TMOD4: variants seen among roughly 807,000 people sequenced by gnomAD.
TMOD4 encodes tropomodulin 4.
TMOD4 carries 34 observed loss-of-function variants against 45.4 expected under a neutral mutation model. That is an observed-to-expected ratio of 0.75 (90% CI 0.57 to 1.00). TMOD4 has a LOEUF of 1.00. TMOD4 is among the 50% of genes least tolerant of loss of function. The pLI is 0.00. For synonymous variants in TMOD4, 131 were observed against 153.9 expected, an observed-to-expected ratio of 0.85 and a Z score of 1.10; for missense variants, 399 against 437.5, an observed-to-expected ratio of 0.91 and a Z score of 0.78.
chr1:151,174,887 C>A lies in TMOD4; in HGVS notation c.-12G>T, dbSNP rs756174653. On this transcript the variant is annotated 5_prime_UTR_variant, in exon 2 of 10. Coordinates refer to ENST00000295314, the MANE Select transcript of TMOD4 (RefSeq NM_013353.3). Reference sequence around the variant, plus strand: ...TGATATGATGACATGGTGGCCCCCACCCCCTCCCCACTGTGTGGTACTCAC... The same window carrying A: ...TGATATGATGACATGGTGGCCCCCAACCCCTCCCCACTGTGTGGTACTCAC... 6.2e-7 allele frequency: 1 copy of A among 1,613,942 alleles called. No individual in the cohort carries two copies. Among genetic ancestry groups the A allele is most frequent in the East Asian group, 2.2e-5 (1 of 44,864 alleles).
Position 151,171,773 on chromosome 1 carries a change from G to T in TMOD4, c.488-10C>A, listed in dbSNP as rs1256898615. ...TCAGGCTGTACCACACCTGGTGAATGAGGGCAGGAAGGGAACCCCAACATG... is the reference window on the plus strand; with the variant it reads ...TCAGGCTGTACCACACCTGGTGAATTAGGGCAGGAAGGGAACCCCAACATG... On this transcript the variant is annotated splice_polypyrimidine_tract_variant and intron_variant, in intron 5 of 9. Coordinates refer to ENST00000295314, the MANE Select transcript of TMOD4 (RefSeq NM_013353.3). The T allele has an allele frequency of 6.2e-7, 1 of 1,613,354 alleles. No individual in the cohort carries two copies. The highest frequency in any genetic ancestry group is 8.5e-7 in the Non-Finnish European group (1 of 1,179,710).
Position 151,173,537 on chromosome 1 carries a change from A to C in TMOD4, c.359T>G (p.Leu120Arg), listed in dbSNP as rs1684017654. ...CATTTCAGCATCTGTGGCATGTGCC[A>C]GTGCCTCCTCCAGCTCAGGCTCCAG... ...ITLEPELEEA[L>R]AHATDAEMCD... Residue 120 changes from leucine to arginine, a missense_variant, in exon 4 of 10, where the codon CTG becomes CGG. Physicochemically the swap from Leu to Arg is moderately radical, Grantham distance 102. Transcript: ENST00000295314. The C allele has an allele frequency of 6.2e-7, 1 of 1,614,100 alleles. No individual in the cohort carries two copies. The highest frequency in any genetic ancestry group is 2.2e-5 in the East Asian group (1 of 44,862).
intron 4 of TMOD4, among the ~76,000 whole-genome samples, chr1:151,173,235 T>C (rs1353262839): frequency 1.3e-5 from 2 of 152,156 alleles, no homozygotes; most frequent in Non-Finnish European, 2.9e-5. Context: ...TCCCAAGTGC[T>C]GAGGTTACAG....
At position 151,170,928 on chromosome 1, in the gene TMOD4, C is replaced by T; in HGVS notation, c.862G>A (p.Asp288Asn). 5.0e-6 allele frequency: 8 copies of T among 1,614,052 alleles called. No individual in the cohort carries two copies. Among genetic ancestry groups the T allele is most frequent in the Non-Finnish European group, 6.8e-6 (8 of 1,179,998 alleles). ...ENATLTELRVDNQRQWPGDAV... is the reference protein window; with the variant it reads ...ENATLTELRVNNQRQWPGDAV... The stretch of plus-strand genomic sequence containing the variant: ...GGGAAGGGAATGCTGACCTGATTGT[C>T]TACACGGAGCTCAGTGAGTGTGGCA... Residue 288 changes from aspartate (D) to asparagine (N), a missense_variant, in exon 8 of 10, where the codon GAC becomes AAC. Coordinates refer to ENST00000295314, the MANE Select transcript of TMOD4 (RefSeq NM_013353.3).
intron 4 of TMOD4, 69 bp downstream of exon 4, chr1:151,173,430 A>T: frequency 8.6e-7 from 1 of 1,167,412 alleles, no homozygotes; most frequent in Non-Finnish European, 1.3e-6. Flanking sequence ...CTTCCTCACT[A>T]GTCCCATGTC....
At chr1:151,171,161 A>G in intron 7 of TMOD4, 98 bp from the exon 8 acceptor site, 1 of 1,353,266 alleles carries the variant, frequency 7.4e-7, no homozygotes, top group Non-Finnish European at 1.0e-6. Context: ...CTCTTTGAGA[A>G]GAGTCTTTCA....
intron 8 of TMOD4, 95 bp from the exon 9 acceptor site, chr1:151,170,758 T>G: frequency 1.9e-6 from 3 of 1,545,830 alleles, no homozygotes; most frequent in Non-Finnish European, 2.6e-6. Flanking sequence ...AGAAGCTTGT[T>G]TCTCCACAGT....
chr1:151,172,133 A>G (rs1176601765), intron 5 of TMOD4, 135 bp downstream of exon 5: 1 of 741,834 alleles, frequency 1.3e-6, no homozygotes, highest in Non-Finnish European at 2.2e-6. Flanking sequence ...CTCACCTGGC[A>G]CTCCACAGGT....
At chr1:151,173,349 T>C in intron 4 of TMOD4, 150 bp downstream of exon 4, 1 of 653,644 alleles carries the variant, frequency 1.5e-6, no homozygotes, top group Admixed American at 2.4e-5. Flanking sequence ...TGAATAAATA[T>C]ATAAACAAAC....
chr1:151,175,957 C>T lies in TMOD4; in HGVS notation c.-76G>A. 1 of 151,700 alleles carries T rather than the reference C, an allele frequency of 6.6e-6. No homozygotes were observed. The highest frequency in any genetic ancestry group is 2.5e-5 in the African/African-American group (1 of 40,738). 9.4% of individuals were successfully genotyped at this position (151,700 alleles called of 1,614,324 possible). A position where few individuals can be genotyped will look rare whatever the true frequency, so the allele number is the denominator to read the frequency against. On this transcript the variant is annotated 5_prime_UTR_variant, in exon 1 of 10. Transcript: ENST00000295314. The stretch of plus-strand genomic sequence containing the variant: ...GTGGTCACCTCCCTTCTCACCTCCC[C>T]TGTGTCAGTAGGTCTGTCTGTTCTA...
intron 4 of TMOD4, 56 bp downstream of exon 4, chr1:151,173,443 G>T: frequency 7.3e-7 from 1 of 1,370,188 alleles, no homozygotes; most frequent in Non-Finnish European, 1.0e-6. Context: ...CCCATGTCAT[G>T]GCTAGAATCC....
chr1:151,173,390 T>C, intron 4 of TMOD4, 109 bp downstream of exon 4: 1 of 764,170 alleles, frequency 1.3e-6, no homozygotes. Flanking sequence ...GCTTGACGCT[T>C]TCTTAGACAT....
In TMOD4 at chr1:151,172,034, A is replaced by G. The variant is rs587654863; in HGVS notation, c.487+234T>C. On this transcript the variant is annotated intron_variant, in intron 5 of 9. Coordinates refer to ENST00000295314, the MANE Select transcript of TMOD4 (RefSeq NM_013353.3). ...GTTTTAGTAGAGACAAGGTTTCACT[A>G]TGTTGGCCAGGCTGGTCTTGAACTC... Among the ~76,000 whole-genome samples, 90 of 152,118 alleles carry G rather than the reference A, an allele frequency of 5.9e-4. 1 individual carries two copies. Among genetic ancestry groups the G allele is most frequent in the African/African-American group, 1.9e-3 (78 of 41,504 alleles).
Position 151,171,022 on chromosome 1 carries a change from G to C in TMOD4, c.768C>G (p.Ser256Arg). The change falls in exon 8 of 10, where the codon AGC becomes AGG. Residue 256 changes from serine to arginine, a missense_variant. Ser to Arg is a moderately radical substitution (Grantham distance 110). Transcript: ENST00000295314. ...DMLRENRSLQ[S>R]LNIESNFISS... ...TAATGAAGTTGGATTCGATGTTTAG[G>C]CTCTGGAGGCTACGATTCTCACGCA... 6.2e-7 allele frequency: 1 copy of C among 1,614,146 alleles called. No homozygotes were observed.
rs755650469 is a variant in TMOD4, at chr1:151,170,545, T to C, written c.989A>G (p.Gln330Arg). The C allele has an allele frequency of 6.2e-7, 1 of 1,614,256 alleles. No homozygotes were observed. Among genetic ancestry groups the C allele is most frequent in the South Asian group, 1.1e-5 (1 of 91,090 alleles). Residue 330 changes from glutamine to arginine, a missense_variant, in exon 9 of 10, where the codon CAG (glutamine) becomes CGG (arginine). Coordinates refer to ENST00000295314, the MANE Select transcript of TMOD4 (RefSeq NM_013353.3). ...TQQGPRARAAQAMTRNNELRR... is the reference protein window; with the variant it reads ...TQQGPRARAARAMTRNNELRR... Reference sequence around the variant, plus strand: ...TAGTTCATTGTTTCGGGTCATGGCCTGGGCTGCCCGAGCTCGTGGCCCCTG... The same window carrying C: ...TAGTTCATTGTTTCGGGTCATGGCCCGGGCTGCCCGAGCTCGTGGCCCCTG...
intron 1 of TMOD4, chr1:151,175,716 T>C (rs1017871849): frequency 6.6e-6 from 1 of 152,214 alleles, no homozygotes; most frequent in Non-Finnish European, 1.5e-5. Flanking sequence ...ATACACACCA[T>C]GCTGAATATG....
intron 4 of TMOD4, among the ~76,000 whole-genome samples, chr1:151,172,831 T>C (rs1228326832): frequency 6.6e-6 from 1 of 152,176 alleles, no homozygotes; most frequent in African/African-American, 2.4e-5. Flanking sequence ...TTTTTGTTTT[T>C]TGTTTTTTGA....
At chr1:151,173,438 G>T in intron 4 of TMOD4, 61 bp downstream of exon 4, 2 of 1,316,658 alleles carry the variant, frequency 1.5e-6, no homozygotes, top group African/African-American at 1.4e-5. Context: ...CTAGTCCCAT[G>T]TCATGGCTAG....
intron 4 of TMOD4, 55 bp downstream of exon 4, chr1:151,173,444 G>T: frequency 2.2e-6 from 3 of 1,382,586 alleles, no homozygotes; most frequent in Non-Finnish European, 3.1e-6. Flanking sequence ...CCATGTCATG[G>T]CTAGAATCCA....
Sources: gnomAD v4.1 joint callset for allele counts (sites outside exome capture counted in the v4.1 genomes callset) on GRCh38, gnomAD v4.1.1 for gene constraint, MANE v1.5 for transcripts, NCBI Gene and HGNC (gene_info 2026-07-23, HGNC 2026-07-21) for gene names.